Variants in EXOC2 observed in about 807,000 individuals in gnomAD.
EXOC2 encodes the protein exocyst complex component 2, also known as SEC5-like 1.
In EXOC2, 70 loss-of-function variants were observed where a neutral mutation model predicts 131.8. The ratio of observed to expected loss-of-function variants is 0.53; its 90% CI spans 0.44 to 0.65. The LOEUF (loss-of-function observed/expected upper bound fraction) is 0.65, where lower values mean the gene tolerates loss of function less well. EXOC2 is among the 30% of genes least tolerant of loss of function. The pLI is 0.00. For synonymous variants in EXOC2, 411 were observed against 398.4 expected (o/e 1.03, Z -0.38); for missense variants, 923 against 1,108.6 (o/e 0.83, Z 2.38).
intron 12 of EXOC2, among the ~76,000 whole-genome samples, chr6:575,556 C>A (rs761090908): frequency 7.9e-6 from 1 of 126,684 alleles, no homozygotes; most frequent in African/African-American, 2.7e-5. Flanking sequence ...CATGCTGGCT[C>A]CCCTTTTGCC....
intron 1 of EXOC2, among the ~76,000 whole-genome samples, chr6:672,407 C>T (rs929070016): frequency 6.6e-6 from 1 of 152,194 alleles, no homozygotes; most frequent in African/African-American, 2.4e-5. Context: ...TAACATCCTC[C>T]ACCATACCTG....
chr6:592,407 TC>T, intron 11 of EXOC2, 61 bp downstream of exon 11: 1 of 1,360,786 alleles, frequency 7.3e-7, no homozygotes, highest in East Asian at 2.3e-5. Flanking sequence ...CATTAAACAT[TC>T]CCAGAATGCA....
In EXOC2 at chr6:610,053, G is replaced by A. The variant is rs762382654; in HGVS notation, c.742+45C>T. 6 of 1,553,454 alleles carry A rather than the reference G, an allele frequency of 3.9e-6. No homozygotes were observed. In the South Asian group the frequency reaches 7.0e-5, roughly 18 times the overall value. On this transcript the variant is annotated intron_variant, in intron 7 of 27. Coordinates refer to ENST00000230449, the MANE Select transcript of EXOC2 (RefSeq NM_018303.6). Reference sequence around the variant, plus strand: ...GGTCCAAGAACTAATTTTAAAGCATGTTGTAAAATCCATAAATAGTTCTGG... The same window carrying A: ...GGTCCAAGAACTAATTTTAAAGCATATTGTAAAATCCATAAATAGTTCTGG...
intron 26 of EXOC2, among the ~76,000 whole-genome samples, 168 bp downstream of exon 26, chr6:490,957 A>G (rs1018229335): frequency 5.3e-5 from 8 of 152,128 alleles, no homozygotes; most frequent in African/African-American, 1.9e-4. Context: ...ATTATATTAA[A>G]CCCCTTTCAT....
At chr6:692,601 G>C (rs1413313950) in intron 1 of EXOC2, among the ~76,000 whole-genome samples, 2 of 152,272 alleles carry the variant, frequency 1.3e-5, no homozygotes, top group Admixed American at 1.3e-4. Context: ...CGGGATGCAC[G>C]CCTAGGCAGA....
chr6:515,571 G>A (rs1206522702), intron 23 of EXOC2, among the ~76,000 whole-genome samples: 1 of 152,164 alleles, frequency 6.6e-6, no homozygotes, highest in Non-Finnish European at 1.5e-5. Context: ...CAGGGCACAC[G>A]GCAGTCCTAG....
In EXOC2 at chr6:576,768, C is replaced by T; in HGVS notation, c.1307G>A (p.Gly436Asp). 6.2e-7 allele frequency: 1 copy of T among 1,613,930 alleles called. No homozygotes were observed. ...AGGGAGATACTTACTGTCGTCTCGA[C>T]CAGACTGAAAGCTGCTGCCCCTCTT... ...SLKRGSSFQS[G>D]RDDTWRYKTP... Residue 436 changes from glycine (G) to aspartate (D), a missense_variant, in exon 12 of 28, where the codon GGT (glycine) becomes GAT (aspartate). Gly to Asp is a moderately conservative substitution (Grantham distance 94). Coordinates refer to ENST00000230449, the MANE Select transcript of EXOC2 (RefSeq NM_018303.6).
intron 22 of EXOC2, among the ~76,000 whole-genome samples, chr6:533,657 C>T (rs570026696): frequency 2.0e-5 from 3 of 152,260 alleles, no homozygotes; most frequent in East Asian, 1.9e-4. Context: ...ATCAGCCCTA[C>T]GTGAGTGTGC....
intron 1 of EXOC2, among the ~76,000 whole-genome samples, chr6:673,608 G>C (rs1299756520): frequency 6.6e-6 from 1 of 152,028 alleles, no homozygotes; most frequent in Non-Finnish European, 1.5e-5. Flanking sequence ...ATGCACCAAG[G>C]CCTCATTTAC....
At chr6:587,058 T>C (rs1322115023) in intron 11 of EXOC2, among the ~76,000 whole-genome samples, 1 of 152,204 alleles carries the variant, frequency 6.6e-6, no homozygotes, top group Non-Finnish European at 1.5e-5. Flanking sequence ...ATTTATATTA[T>C]ATATAATTAG....
intron 1 of EXOC2, among the ~76,000 whole-genome samples, chr6:648,716 CTTTTT>C (rs60202015): frequency 4.5e-5 from 4 of 88,552 alleles, no homozygotes; most frequent in Admixed American, 1.3e-4. Context: ...TTTAAAAACT[CTTTTT>C]TTTTTTTTTT....
At chr6:661,745 C>CA (rs935723605) in intron 1 of EXOC2, among the ~76,000 whole-genome samples, 7 of 150,874 alleles carry the variant, frequency 4.6e-5, no homozygotes, top group South Asian at 4.2e-4. Context: ...CAAAAACAAA[C>CA]AAAAAAAAAG....
rs115849774 is a variant in EXOC2, at chr6:591,889, C to G, written c.1192+580G>C. 5.9e-3 allele frequency among the ~76,000 whole-genome samples: 893 copies of G among 152,320 alleles called. 8 individuals carry two copies. Among genetic ancestry groups the G allele is most frequent in the African/African-American group, 0.02 (847 of 41,580 alleles). On this transcript the variant is annotated intron_variant, in intron 11 of 27. Transcript: ENST00000230449. ...CCACACAGGTGGTCCCTTTCTCAAG[C>G]TGAGATGGCTAGTAAGCTACCTTTT...
chr6:655,628 A>G (rs1481978854), intron 1 of EXOC2, among the ~76,000 whole-genome samples: 2 of 152,234 alleles, frequency 1.3e-5, no homozygotes, highest in African/African-American at 4.8e-5. Flanking sequence ...TATACAGAAC[A>G]CGGCTTAACA....
At chr6:543,277 C>T (rs1581402167) in intron 22 of EXOC2, among the ~76,000 whole-genome samples, 2 of 152,174 alleles carry the variant, frequency 1.3e-5, no homozygotes, top group South Asian at 2.1e-4. Context: ...TAGAATACTA[C>T]ACAGCCTTAA....
chr6:545,650 TG>T lies in EXOC2; in HGVS notation c.2238+3524del, dbSNP rs1306513533. ...ATCGTAATTAAAAAGATGACAGAAA[TG>T]TGATGAGATCAGCTTCCAAAAAGCT... On this transcript the variant is annotated intron_variant, in intron 22 of 27. Coordinates refer to ENST00000230449, the MANE Select transcript of EXOC2 (RefSeq NM_018303.6). Among the ~76,000 whole-genome samples the T allele has an allele frequency of 4.5e-4, 68 of 152,248 alleles. 1 individual carries two copies. Among genetic ancestry groups the T allele is most frequent in the African/African-American group, 1.6e-3 (67 of 41,530 alleles).
chr6:575,330 G>C (rs1758515287), intron 12 of EXOC2, among the ~76,000 whole-genome samples: 1 of 152,238 alleles, frequency 6.6e-6, no homozygotes, highest in South Asian at 2.1e-4. Flanking sequence ...CTGAAAATCA[G>C]TGATATTTGC....
At chr6:632,435 C>T (rs1761901346) in intron 3 of EXOC2, among the ~76,000 whole-genome samples, 1 of 152,084 alleles carries the variant, frequency 6.6e-6, no homozygotes, top group Non-Finnish European at 1.5e-5. Context: ...AGAAGGAAAA[C>T]AAAGTGCTAT....
intron 6 of EXOC2, among the ~76,000 whole-genome samples, chr6:616,683 A>G (rs1761029543): frequency 6.6e-6 from 1 of 151,244 alleles, no homozygotes; most frequent in African/African-American, 2.4e-5. Context: ...TACACATTTA[A>G]TGTGTTGGAG....
Sources: allele counts gnomAD v4.1 joint callset (sites outside exome capture counted in the v4.1 genomes callset), GRCh38; gene constraint gnomAD v4.1.1; transcripts MANE v1.5; gene names NCBI Gene and HGNC (gene_info 2026-07-23, HGNC 2026-07-21).